The following EML1 variants were observed in gnomAD, a reference collection of about 807,000 sequenced individuals.
EML1 encodes the protein EMAP like 1.
EML1 carries 27 observed loss-of-function variants against 110.4 expected under a neutral mutation model. That is an observed-to-expected ratio of 0.24 (90% CI 0.18 to 0.34). EML1 has a LOEUF of 0.34. Among genes scored for constraint, EML1 ranks in the 10% least tolerant of loss-of-function variants. EML1 has a pLI of 1.00. For synonymous variants in EML1, 344 were observed against 385.8 expected, an observed-to-expected ratio of 0.89 and a Z score of 1.27; for missense variants, 741 against 1,030.9, an observed-to-expected ratio of 0.72 and a Z score of 3.85.
At chr14:99,881,321 C>T (rs1033031190) in intron 4 of EML1, among the ~76,000 whole-genome samples, 1 of 152,220 alleles carries the variant, frequency 6.6e-6, no homozygotes, top group African/African-American at 2.4e-5. Flanking sequence ...AAGCTCACAG[C>T]TTCTCACACG....
intron 17 of EML1, among the ~76,000 whole-genome samples, chr14:99,924,923 T>C (rs1320487645): frequency 1.3e-5 from 2 of 152,230 alleles, no homozygotes; most frequent in Non-Finnish European, 1.5e-5. Context: ...TTCACATTCC[T>C]GTGGTAAATT....
chr14:99,817,674 C>G (rs1252728224), intron 1 of EML1, among the ~76,000 whole-genome samples: 1 of 152,182 alleles, frequency 6.6e-6, no homozygotes, highest in Non-Finnish European at 1.5e-5. Context: ...TTGGAAAGTT[C>G]CCCATTCGGC....
chr14:99,811,630 C>T (rs1201850821), intron 1 of EML1, among the ~76,000 whole-genome samples: 1 of 122,760 alleles, frequency 8.1e-6, no homozygotes, highest in Non-Finnish European at 1.7e-5. Context: ...CGATAAAACC[C>T]TGTCTCTACC....
chr14:99,805,594 C>A (rs1044622112), intron 1 of EML1, among the ~76,000 whole-genome samples: 1 of 152,092 alleles, frequency 6.6e-6, no homozygotes, highest in African/African-American at 2.4e-5. Context: ...CTAGCATCAG[C>A]CTCCTAAGTA....
Position 99,865,641 on chromosome 14 carries a change from C to G in EML1, c.378C>G (p.Thr126=). The G allele has an allele frequency of 6.2e-7, 1 of 1,613,942 alleles. No individual in the cohort carries two copies. The highest frequency in any genetic ancestry group is 2.2e-5 in the East Asian group (1 of 44,882). The change falls in exon 3 of 22, where the codon ACC becomes ACG. Residue 126 remains threonine (T), a synonymous_variant. Transcript: ENST00000262233. ...GVRKETAVPA[T]KSNIKRTSSS... is the part of the protein sequence containing the mutation. ...GGAAAGAAACTGCTGTGCCAGCAAC[C>G]AAAAGGTGAGCCAGAAGCAGGGCCT... is the stretch of plus-strand genomic sequence containing the variant.
intron 15 of EML1, among the ~76,000 whole-genome samples, chr14:99,915,709 A>G (rs1595476451): frequency 6.6e-6 from 1 of 152,178 alleles, no homozygotes; most frequent in Admixed American, 6.5e-5. Flanking sequence ...AACCCAGCTC[A>G]GTCTGACTCC....
chr14:99,877,831 C>A (rs1016788230), intron 3 of EML1, among the ~76,000 whole-genome samples: 1 of 152,170 alleles, frequency 6.6e-6, no homozygotes. Flanking sequence ...CGGGTCTCCA[C>A]CCACTACATG....
chr14:99,768,540 G>A (rs1487647820), upstream of EML1, among the ~76,000 whole-genome samples: 2 of 152,208 alleles, frequency 1.3e-5, no homozygotes, highest in East Asian at 3.9e-4. Flanking sequence ...AGCAAAGGGA[G>A]GAGGTGGGGG....
chr14:99,926,106 T>G (rs1230385577), intron 17 of EML1, among the ~76,000 whole-genome samples: 1 of 152,152 alleles, frequency 6.6e-6, no homozygotes. Context: ...TTGAGAAGAT[T>G]TTCAAATAAA....
chr14:99,786,743 G>C (rs1041545524), intron 1 of EML1, among the ~76,000 whole-genome samples: 10 of 152,358 alleles, frequency 6.6e-5, no homozygotes, highest in Admixed American at 3.9e-4. Flanking sequence ...CAGGAGTGCA[G>C]ACTGACTTGA....
rs2060468748 is a variant in EML1 at position 99,936,229 on chromosome 14, A to G, written c.2008-18A>G. 1.9e-6 allele frequency: 3 copies of G among 1,613,564 alleles called. No individual in the cohort carries two copies. The highest frequency in any genetic ancestry group is 1.7e-5 in the Admixed American group (1 of 60,000). ...CTTCTAAGGCCAATGAAATGAAGACAGTGTTTTACCCTCCCAGGGTCATTC... is the reference window on the plus strand; with the variant it reads ...CTTCTAAGGCCAATGAAATGAAGACGGTGTTTTACCCTCCCAGGGTCATTC... On this transcript the variant is annotated intron_variant, in intron 18 of 21. Transcript: ENST00000262233. This position sits in a 1 kb window ranked among gnomAD's most constrained non-coding sequence, Gnocchi z 5.5.
Position 99,915,743 on chromosome 14 carries a change from A to G in EML1, c.1752+1046A>G, listed in dbSNP as rs555526111. On this transcript the variant is annotated intron_variant, in intron 15 of 21. Coordinates refer to ENST00000262233, the MANE Select transcript of EML1 (RefSeq NM_004434.3). ...CCTAAACTCTGGTTCTTTCCACTGCATTGCACTGCAGCGAATCGGAAGCTC... is the reference window on the plus strand; with the variant it reads ...CCTAAACTCTGGTTCTTTCCACTGCGTTGCACTGCAGCGAATCGGAAGCTC... Among the ~76,000 whole-genome samples, 8 of 152,306 alleles carry G rather than the reference A, an allele frequency of 5.3e-5. No individual in the cohort carries two copies. The East Asian group carries it at 9.6e-4, about 18-fold the overall frequency.
intron 1 of EML1, among the ~76,000 whole-genome samples, chr14:99,745,317 C>T (rs1055755722): frequency 3.9e-5 from 6 of 152,210 alleles, no homozygotes; most frequent in African/African-American, 7.2e-5. Flanking sequence ...CCGCCTGCTT[C>T]GGCCTCCCAA....
intron 2 of EML1, among the ~76,000 whole-genome samples, chr14:99,852,994 T>C (rs1169906663): frequency 6.6e-6 from 1 of 152,256 alleles, no homozygotes; most frequent in African/African-American, 2.4e-5. Flanking sequence ...CTGCTGTGTC[T>C]GAAAGGGTAC....
intron 5 of EML1, among the ~76,000 whole-genome samples, chr14:99,891,638 TAA>T (rs1382976988): frequency 6.6e-6 from 1 of 152,256 alleles, no homozygotes; most frequent in Non-Finnish European, 1.5e-5. Context: ...TATAACTGTC[TAA>T]AAGTAGCTTT....
At chr14:99,841,632 TG>T (rs2058635691) in intron 1 of EML1, among the ~76,000 whole-genome samples, 1 of 152,200 alleles carries the variant, frequency 6.6e-6, no homozygotes, top group South Asian at 2.1e-4. Context: ...GCCACAAAGT[TG>T]GAACGTGTAG....
intron 1 of EML1, among the ~76,000 whole-genome samples, chr14:99,749,860 T>C (rs2057155614): frequency 6.6e-6 from 1 of 152,238 alleles, no homozygotes; most frequent in Admixed American, 6.5e-5. Flanking sequence ...GCCCATCACA[T>C]GGGCTTCTAA....
At chr14:99,839,497 CCAT>C (rs1165089763) in intron 1 of EML1, among the ~76,000 whole-genome samples, 2 of 152,178 alleles carry the variant, frequency 1.3e-5, no homozygotes, top group African/African-American at 4.8e-5. Context: ...CCTTTAAACT[CCAT>C]GTCATCCAAG....
At chr14:99,783,614 AG>A (rs2057567062) in intron 1 of EML1, among the ~76,000 whole-genome samples, 1 of 151,782 alleles carries the variant, frequency 6.6e-6, no homozygotes, top group Non-Finnish European at 1.5e-5. Context: ...CCTCCTGAGT[AG>A]CTGGGACAAC....
Sources: gnomAD v4.1 joint callset for allele counts (sites outside exome capture counted in the v4.1 genomes callset) on GRCh38, gnomAD v4.1.1 for gene constraint, Gnocchi (gnomAD v3.1) non-coding constraint, MANE v1.5 for transcripts, NCBI Gene and HGNC (gene_info 2026-07-23, HGNC 2026-07-21) for gene names.